The following GRM8 variants were observed in gnomAD, a reference collection of about 807,000 sequenced individuals.
GRM8 encodes the protein glutamate metabotropic receptor 8.
Under a neutral mutation model 87.2 loss-of-function variants are expected in GRM8, and 47 were observed. That is an observed-to-expected ratio of 0.54 (90% CI 0.43 to 0.69). GRM8 has a LOEUF of 0.69. Ranked by LOEUF, GRM8 falls within the 30% of genes least tolerant of loss-of-function variation. The probability of loss-of-function intolerance (pLI) is 0.00; values close to 1 mark genes in which losing one functional copy is unlikely to be tolerated. For missense variants in GRM8, 1,019 were observed against 1,139.2 expected (o/e 0.89, Z 1.52); for synonymous variants, 396 against 404.5 (o/e 0.98, Z 0.25).
At chr7:126,606,879 G>A (rs1479759660) in intron 8 of GRM8, among the ~76,000 whole-genome samples, 1 of 152,154 alleles carries the variant, frequency 6.6e-6, no homozygotes, top group Middle Eastern at 3.2e-3. Flanking sequence ...ACTACATTAT[G>A]CGTATATGGC....
At chr7:126,648,040 C>T (rs1256068045) in intron 7 of GRM8, among the ~76,000 whole-genome samples, 1 of 152,152 alleles carries the variant, frequency 6.6e-6, no homozygotes, top group African/African-American at 2.4e-5. Flanking sequence ...TGTGCCATCT[C>T]ACATTCAATT....
At chr7:126,663,593 C>T (rs775115457) in intron 7 of GRM8, among the ~76,000 whole-genome samples, 31 of 152,112 alleles carry the variant, frequency 2.0e-4, no homozygotes, top group African/African-American at 7.2e-4. Context: ...ATCTAACAAC[C>T]CTTCATGATA....
chr7:127,232,212 T>TGTGTGTGTGTGTGTGTGAGA (rs1491132484), intron 2 of GRM8, among the ~76,000 whole-genome samples: 1 of 143,562 alleles, frequency 7.0e-6, no homozygotes, highest in Admixed American at 7.1e-5. Flanking sequence ...TGTGTGTGTG[T>TGTGTGTGTGTGTGTGTGAGA]GAGAGAGAGA....
chr7:126,473,523 T>TAGGC (rs1284291668), intron 9 of GRM8, among the ~76,000 whole-genome samples: 1 of 152,198 alleles, frequency 6.6e-6, no homozygotes, highest in Non-Finnish European at 1.5e-5. Flanking sequence ...TGTAGGCTTA[T>TAGGC]AGGCACAAGG....
chr7:126,846,716 C>T (rs1429335036), intron 6 of GRM8, among the ~76,000 whole-genome samples: 1 of 144,528 alleles, frequency 6.9e-6, no homozygotes, highest in Admixed American at 6.9e-5. Context: ...TGTTATAAAG[C>T]AAAAAAAAAG....
chr7:126,477,110 A>G (rs1806007556), intron 9 of GRM8, among the ~76,000 whole-genome samples: 2 of 152,162 alleles, frequency 1.3e-5, no homozygotes, highest in Non-Finnish European at 1.5e-5. Context: ...GAACTTGGAG[A>G]ACATTACGCT....
chr7:126,957,455 G>C (rs1451092476), intron 3 of GRM8, among the ~76,000 whole-genome samples: 1 of 152,134 alleles, frequency 6.6e-6, no homozygotes, highest in Non-Finnish European at 1.5e-5. Context: ...TGCAGCTCCA[G>C]ACTGGGCATC....
intron 6 of GRM8, among the ~76,000 whole-genome samples, chr7:126,827,232 G>GT (rs1480083709): frequency 3.9e-5 from 6 of 152,148 alleles, no homozygotes; most frequent in Admixed American, 1.3e-4. Flanking sequence ...CTTTAAAGTA[G>GT]TTTTTTCCAA....
chr7:126,883,603 T>A (rs1264745109), intron 6 of GRM8, among the ~76,000 whole-genome samples: 4 of 152,092 alleles, frequency 2.6e-5, no homozygotes, highest in African/African-American at 9.7e-5. Flanking sequence ...ATCAAAGTAT[T>A]TTTTTTAGAT....
At chr7:127,040,254 A>G (rs1157059394) in intron 3 of GRM8, among the ~76,000 whole-genome samples, 1 of 152,032 alleles carries the variant, frequency 6.6e-6, no homozygotes, top group Admixed American at 6.5e-5. Context: ...CACGGGCAGC[A>G]TTGGTGATGG....
At chr7:126,986,125 C>T (rs933484227) in intron 3 of GRM8, among the ~76,000 whole-genome samples, 2 of 152,006 alleles carry the variant, frequency 1.3e-5, no homozygotes, top group East Asian at 3.9e-4. Flanking sequence ...GTGATCCTTC[C>T]ACCTCAACTT....
intron 3 of GRM8, among the ~76,000 whole-genome samples, chr7:127,012,673 A>C (rs940434284): frequency 6.6e-6 from 1 of 152,112 alleles, no homozygotes; most frequent in African/African-American, 2.4e-5. Context: ...GCCATCATAT[A>C]GAATCACTGG....
chr7:127,177,437 C>A (rs1237283019), intron 2 of GRM8, among the ~76,000 whole-genome samples: 1 of 152,210 alleles, frequency 6.6e-6, no homozygotes, highest in African/African-American at 2.4e-5. Flanking sequence ...AGACAAAGGG[C>A]ATATAATCTT....
intron 3 of GRM8, among the ~76,000 whole-genome samples, chr7:127,086,459 A>G (rs1823516186): frequency 6.6e-6 from 1 of 152,194 alleles, no homozygotes; most frequent in Non-Finnish European, 1.5e-5. Flanking sequence ...AATCTTGAGC[A>G]GTCATCAATG....
chr7:126,831,273 G>C (rs1424272473), intron 6 of GRM8, among the ~76,000 whole-genome samples: 1 of 152,202 alleles, frequency 6.6e-6, no homozygotes. Flanking sequence ...GGTTACAGCT[G>C]TCTTTTTGTT....
At chr7:126,778,915 T>TAA (rs146091672) in intron 6 of GRM8, among the ~76,000 whole-genome samples, 2 of 151,502 alleles carry the variant, frequency 1.3e-5, no homozygotes, top group African/African-American at 4.9e-5. Context: ...AAGAAGAAAA[T>TAA]AAAAAAAAAT....
chr7:127,006,222 C>T (rs1271931544), intron 3 of GRM8, among the ~76,000 whole-genome samples: 2 of 152,092 alleles, frequency 1.3e-5, no homozygotes, highest in East Asian at 3.9e-4. Context: ...TATAAACCAA[C>T]TCTTCACAGC....
chr7:126,567,578 T>A (rs73224961), intron 8 of GRM8, among the ~76,000 whole-genome samples: 19,493 of 152,152 alleles, frequency 0.13, 1,558 homozygotes, highest in South Asian at 0.17. Flanking sequence ...AGAGGGTAGA[T>A]TTCATGTTAA....
chr7:126,569,297 G>A (rs2150981768), intron 8 of GRM8, among the ~76,000 whole-genome samples: 1 of 152,200 alleles, frequency 6.6e-6, no homozygotes, highest in South Asian at 2.1e-4. Flanking sequence ...TCCTTAAAAT[G>A]AAGCTGGCAA....
Sources: allele counts gnomAD v4.1 joint callset (sites outside exome capture counted in the v4.1 genomes callset), GRCh38; gene constraint gnomAD v4.1.1; transcripts MANE v1.5; gene names NCBI Gene and HGNC (gene_info 2026-07-23, HGNC 2026-07-21).